PIAS1: variants seen among roughly 807,000 people sequenced by gnomAD.
PIAS1 encodes the protein protein inhibitor of activated STAT 1, also known as E3 SUMO-protein ligase PIAS1.
In PIAS1, 6 loss-of-function variants were observed where a neutral mutation model predicts 71.3. That is an observed-to-expected ratio of 0.08 (90% CI 0.05 to 0.17). The LOEUF is 0.17. Ranked by LOEUF, PIAS1 falls within the 10% of genes least tolerant of loss-of-function variation. The pLI is 1.00. For missense variants in PIAS1, 555 were observed against 793.6 expected (o/e 0.70, Z 3.61); for synonymous variants, 303 against 292.9 (o/e 1.03, Z -0.35).
At chr15:68,055,893 C>T (rs1227374880) in intron 1 of PIAS1, 1 of 701,366 alleles carries the variant, frequency 1.4e-6, no homozygotes, top group Admixed American at 2.0e-5. Flanking sequence ...AATGTTTACA[C>T]TCCAAGATTC....
At chr15:68,117,096 C>T (rs1415514514) in intron 2 of PIAS1, among the ~76,000 whole-genome samples, 2 of 151,884 alleles carry the variant, frequency 1.3e-5, no homozygotes. Context: ...GTTGCTGTTT[C>T]GTTTCTTGAG....
intron 2 of PIAS1, among the ~76,000 whole-genome samples, chr15:68,097,748 A>T (rs552651817): frequency 6.6e-6 from 1 of 152,214 alleles, no homozygotes; most frequent in East Asian, 1.9e-4. Flanking sequence ...GTTGTAATTT[A>T]TTAAATGCTT....
At chr15:68,164,659 T>C (rs1191023747) in intron 7 of PIAS1, 72 bp from the exon 8 acceptor site, 1 of 780,674 alleles carries the variant, frequency 1.3e-6, no homozygotes. Context: ...TTATTCTTTA[T>C]AGTAATGCTC....
In PIAS1 at chr15:68,182,424, TAG is replaced by T. The variant is rs1491279894; in HGVS notation, c.1624+1071_1624+1072del. On this transcript the variant is annotated intron_variant, in intron 12 of 13. Coordinates refer to ENST00000249636, the MANE Select transcript of PIAS1 (RefSeq NM_016166.3). ...AACCCCATTCCCGGGAAGTTACAGC[TAG>T]TGTGTGTGTGTGTGTGTGTGTGTGT... 1.4e-4 allele frequency among the ~76,000 whole-genome samples: 9 copies of T among 63,844 alleles called. No individual in the cohort carries two copies. In the East Asian group the frequency reaches 2.1e-3, roughly 15 times the overall value. 41.9% of individuals were successfully genotyped at this position (63,844 alleles called of 152,430 possible). A position where few individuals can be genotyped will look rare whatever the true frequency, so the allele number is the denominator to read the frequency against.
intron 1 of PIAS1, among the ~76,000 whole-genome samples, chr15:68,072,051 C>T (rs536746523): frequency 1.3e-4 from 20 of 151,468 alleles, no homozygotes; most frequent in Admixed American, 2.6e-4. Context: ...GGTATGTTTG[C>T]GGAACAGCTA....
At chr15:68,140,888 A>G (rs1456832420) in intron 2 of PIAS1, among the ~76,000 whole-genome samples, 1 of 146,146 alleles carries the variant, frequency 6.8e-6, no homozygotes, top group Non-Finnish European at 1.5e-5. Flanking sequence ...GAAAAGTAGT[A>G]TAAATAGTTT....
intron 2 of PIAS1, among the ~76,000 whole-genome samples, chr15:68,121,076 G>T (rs1350397663): frequency 2.0e-5 from 3 of 152,024 alleles, no homozygotes; most frequent in Non-Finnish European, 4.4e-5. Context: ...TCATTCTTTT[G>T]TGTATATCCA....
chr15:68,086,100 A>G lies in PIAS1; in HGVS notation c.25-206A>G, dbSNP rs554558375. On this transcript the variant is annotated intron_variant, in intron 1 of 13. Transcript: ENST00000249636. This position sits in a 1 kb window ranked among gnomAD's most constrained non-coding sequence, Gnocchi z 7.2. The stretch of plus-strand genomic sequence containing the variant: ...TTCTTATAACCAAGGGTAGAAGTCA[A>G]TGAATTTATGAATATTAATTTTAAA... Among the ~76,000 whole-genome samples the G allele has an allele frequency of 1.3e-5, 2 of 152,318 alleles. No homozygotes were observed. Among genetic ancestry groups the G allele is most frequent in the South Asian group, 2.1e-4 (1 of 4,828 alleles).
At chr15:68,116,316 G>A (rs1391106586) in intron 2 of PIAS1, among the ~76,000 whole-genome samples, 2 of 151,836 alleles carry the variant, frequency 1.3e-5, no homozygotes, top group Non-Finnish European at 1.5e-5. Flanking sequence ...GTAAACTTTG[G>A]TAGTTTTTTG....
At chr15:68,109,158 T>C (rs1216348381) in intron 2 of PIAS1, among the ~76,000 whole-genome samples, 1 of 152,182 alleles carries the variant, frequency 6.6e-6, no homozygotes, top group Non-Finnish European at 1.5e-5. Flanking sequence ...GGCCTTGGCA[T>C]GAGTGTTTTC....
chr15:68,152,034 C>G (rs923314899), intron 6 of PIAS1, among the ~76,000 whole-genome samples: 6 of 136,040 alleles, frequency 4.4e-5, no homozygotes, highest in Non-Finnish European at 9.2e-5. Context: ...ACTGCAAGCT[C>G]TGCCTCCCAG....
At chr15:68,073,648 G>A (rs1274749651) in intron 1 of PIAS1, among the ~76,000 whole-genome samples, 1 of 152,088 alleles carries the variant, frequency 6.6e-6, no homozygotes, top group Non-Finnish European at 1.5e-5. Context: ...ATAGGAGGGG[G>A]GAGAAGAGCT....
chr15:68,176,526 A>C lies in PIAS1; in HGVS notation c.1353A>C (p.Ser451=), dbSNP rs2093021238. The part of the protein sequence containing the change: ...EHQVASHHQS[S]NKNKKVEVID... Reference sequence around the variant, plus strand: ...AGGTAGCGTCTCACCACCAGTCCTCAAATAAAAACAAGAAAGTAGAAGTGA... The same window carrying C: ...AGGTAGCGTCTCACCACCAGTCCTCCAATAAAAACAAGAAAGTAGAAGTGA... The change falls in exon 11 of 14, where the codon TCA becomes TCC. Residue 451 remains serine, a synonymous_variant. Coordinates refer to ENST00000249636, the MANE Select transcript of PIAS1 (RefSeq NM_016166.3). The C allele has an allele frequency of 1.9e-6, 3 of 1,612,652 alleles. No homozygotes were observed. The highest frequency in any genetic ancestry group is 4.5e-5 in the East Asian group (2 of 44,812).
At chr15:68,069,084 C>T (rs936872714) in intron 1 of PIAS1, among the ~76,000 whole-genome samples, 1 of 150,336 alleles carries the variant, frequency 6.7e-6, no homozygotes, top group Non-Finnish European at 1.5e-5. Context: ...TTAGTAGAGA[C>T]GGGGTTTCAC....
At chr15:68,141,114 G>T (rs1448913758) in intron 2 of PIAS1, among the ~76,000 whole-genome samples, 1 of 152,056 alleles carries the variant, frequency 6.6e-6, no homozygotes, top group African/African-American at 2.4e-5. Flanking sequence ...GAGGCAGGAG[G>T]ATCACTTTGA....
chr15:68,136,274 G>T lies in PIAS1; in HGVS notation c.470-5672G>T, dbSNP rs370986750. On this transcript the variant is annotated intron_variant, in intron 2 of 13. Coordinates refer to ENST00000249636, the MANE Select transcript of PIAS1 (RefSeq NM_016166.3). ...GCGGCTGGGAGGTGGAGGTTGTAGC[G>T]AGCCGAGGTCACGCCACTGCACTCC... 3.6e-5 allele frequency among the ~76,000 whole-genome samples: 2 copies of T among 55,410 alleles called. 1 individual carries two copies. Among genetic ancestry groups the T allele is most frequent in the African/African-American group, 7.7e-5 (2 of 25,988 alleles). The allele number at this position is 55,410 out of a possible 152,430, so 36.4% of individuals were successfully genotyped here. A position where few individuals can be genotyped will look rare whatever the true frequency, so the allele number is the denominator to read the frequency against.
At chr15:68,182,861 G>A (rs560506003) in intron 12 of PIAS1, among the ~76,000 whole-genome samples, 47 of 152,222 alleles carry the variant, frequency 3.1e-4, no homozygotes, top group Non-Finnish European at 5.6e-4. Context: ...TAGACAGTGA[G>A]TAGATGCCCA....
At chr15:68,095,123 T>G (rs1165210784) in intron 2 of PIAS1, among the ~76,000 whole-genome samples, 1 of 151,232 alleles carries the variant, frequency 6.6e-6, no homozygotes, top group Non-Finnish European at 1.5e-5. Context: ...ATGAAATAAT[T>G]TTTTTTAATT....
chr15:68,145,734 C>A, intron 4 of PIAS1, 82 bp from the exon 5 acceptor site: 1 of 804,826 alleles, frequency 1.2e-6, no homozygotes, highest in Non-Finnish European at 2.1e-6. Flanking sequence ...AATTTACCAT[C>A]TTTTAAATTT....
Sources: gnomAD v4.1 joint callset for allele counts (sites outside exome capture counted in the v4.1 genomes callset) on GRCh38, gnomAD v4.1.1 for gene constraint, Gnocchi (gnomAD v3.1) non-coding constraint, MANE v1.5 for transcripts, NCBI Gene and HGNC (gene_info 2026-07-23, HGNC 2026-07-21) for gene names.